SLC2A13: variants seen among roughly 807,000 people sequenced by gnomAD.
SLC2A13 encodes the protein solute carrier family 2 member 13.
SLC2A13 carries 32 observed loss-of-function variants against 64.4 expected under a neutral mutation model. The ratio of observed to expected loss-of-function variants is 0.50; its 90% confidence interval spans 0.37 to 0.67. The LOEUF is 0.67. Among genes scored for constraint, SLC2A13 ranks in the 30% least tolerant of loss-of-function variants. SLC2A13 has a pLI of 0.00. For missense variants in SLC2A13, 743 were observed against 829.2 expected, an observed-to-expected ratio of 0.90 and a Z score of 1.28; for synonymous variants, 338 against 327.1, an observed-to-expected ratio of 1.03 and a Z score of -0.36.
At chr12:39,918,111 A>C (rs1241602704) in intron 4 of SLC2A13, among the ~76,000 whole-genome samples, 2 of 152,094 alleles carry the variant, frequency 1.3e-5, no homozygotes, top group Admixed American at 1.3e-4. Flanking sequence ...ATCCTTGTAC[A>C]TCTAGATAAT....
rs1565608579 is a variant in SLC2A13 at position 40,058,070 on chromosome 12, TAGA to T, written c.557-9863_557-9861del. Reference sequence around the variant, plus strand: ...ATAGATAGATAGATAGATAGATAGATAGATAGATAGATAGATAGATTGATTTAC... The same window carrying T: ...ATAGATAGATAGATAGATAGATAGATTAGATAGATAGATAGATTGATTTAC... On this transcript the variant is annotated intron_variant, in intron 1 of 9. Coordinates refer to ENST00000280871, the MANE Select transcript of SLC2A13 (RefSeq NM_052885.4). Among the ~76,000 whole-genome samples, 22 of 150,832 alleles carry T rather than the reference TAGA, an allele frequency of 1.5e-4. 1 individual carries two copies. Among genetic ancestry groups the T allele is most frequent in the African/African-American group, 5.3e-4 (22 of 41,232 alleles).
chr12:39,803,903 A>T (rs1941884661), intron 7 of SLC2A13, among the ~76,000 whole-genome samples: 1 of 152,206 alleles, frequency 6.6e-6, no homozygotes, highest in African/African-American at 2.4e-5. Context: ...CCTTCCCAAG[A>T]TAAATAAAAT....
chr12:40,035,940 G>A (rs1039761977), intron 2 of SLC2A13, among the ~76,000 whole-genome samples: 1 of 152,286 alleles, frequency 6.6e-6, no homozygotes, highest in Middle Eastern at 3.4e-3. Context: ...GGTAAAATAC[G>A]TTAAGACCTG....
intron 1 of SLC2A13, among the ~76,000 whole-genome samples, chr12:40,051,351 A>C (rs573430585): frequency 6.6e-6 from 1 of 152,238 alleles, no homozygotes; most frequent in South Asian, 2.1e-4. Flanking sequence ...TGCAGATAAG[A>C]TGGGAGAGAC....
chr12:39,988,519 AAAGAAAGAAAG>A (rs1366323701), intron 3 of SLC2A13, among the ~76,000 whole-genome samples: 3 of 150,918 alleles, frequency 2.0e-5, no homozygotes, highest in East Asian at 3.9e-4. Flanking sequence ...AGAATGAACG[AAAGAAAGAAAG>A]AAGAAAGAAA....
intron 7 of SLC2A13, among the ~76,000 whole-genome samples, chr12:39,810,457 T>A (rs537704663): frequency 2.0e-5 from 3 of 152,288 alleles, no homozygotes; most frequent in African/African-American, 7.2e-5. Flanking sequence ...ATATATTCCT[T>A]TCCAAACTGT....
intron 3 of SLC2A13, among the ~76,000 whole-genome samples, chr12:39,953,414 T>G (rs935701747): frequency 2.6e-5 from 4 of 152,174 alleles, no homozygotes; most frequent in Non-Finnish European, 1.5e-5. Flanking sequence ...AATTAAAGAA[T>G]TTCCTTTCAT....
intron 7 of SLC2A13, chr12:39,829,393 T>TTTTTTTTTG: frequency 2.4e-5 from 1 of 41,256 alleles, no homozygotes; most frequent in African/African-American, 7.6e-5. Context: ...ATAGTAATTC[T>TTTTTTTTTG]TTTTTTTTTT....
At chr12:39,939,312 A>C (rs1945978985) in intron 4 of SLC2A13, among the ~76,000 whole-genome samples, 1 of 152,200 alleles carries the variant, frequency 6.6e-6, no homozygotes, top group Non-Finnish European at 1.5e-5. Context: ...ATGGAAAATG[A>C]TTAGAAACAT....
intron 3 of SLC2A13, among the ~76,000 whole-genome samples, chr12:39,961,906 C>T (rs1460171871): frequency 6.6e-6 from 1 of 152,122 alleles, no homozygotes; most frequent in Admixed American, 6.5e-5. Context: ...CTCAAGCAAT[C>T]CTCCCACCTC....
intron 4 of SLC2A13, among the ~76,000 whole-genome samples, chr12:39,900,553 CAGAG>C (rs1432262168): frequency 6.6e-6 from 1 of 152,028 alleles, no homozygotes; most frequent in Non-Finnish European, 1.5e-5. Flanking sequence ...AACAGACAAA[CAGAG>C]AGCCAAATCA....
intron 3 of SLC2A13, among the ~76,000 whole-genome samples, chr12:39,952,214 A>G (rs1484273032): frequency 6.6e-6 from 1 of 152,148 alleles, no homozygotes; most frequent in East Asian, 1.9e-4. Context: ...TTCCAGCCTC[A>G]TAAGTGTTTC....
At chr12:40,034,933 A>C (rs1205595099) in intron 2 of SLC2A13, among the ~76,000 whole-genome samples, 5 of 152,186 alleles carry the variant, frequency 3.3e-5, no homozygotes, top group Admixed American at 3.3e-4. Flanking sequence ...CACTACAGCT[A>C]ATCACTGAGC....
At chr12:39,862,877 T>C (rs1943798402) in intron 6 of SLC2A13, among the ~76,000 whole-genome samples, 1 of 152,220 alleles carries the variant, frequency 6.6e-6, no homozygotes, top group African/African-American at 2.4e-5. Context: ...TCTACTCTTT[T>C]AGTTATTTTA....
At chr12:39,842,770 C>A (rs1430839732) in intron 6 of SLC2A13, among the ~76,000 whole-genome samples, 1 of 151,972 alleles carries the variant, frequency 6.6e-6, no homozygotes, top group African/African-American at 2.4e-5. Context: ...CTTTACTTCC[C>A]AATTCCCACT....
intron 1 of SLC2A13, among the ~76,000 whole-genome samples, chr12:40,103,087 G>A (rs1265931066): frequency 1.3e-5 from 2 of 152,120 alleles, no homozygotes; most frequent in South Asian, 2.1e-4. Flanking sequence ...TATCTAAACT[G>A]GGCTTCTCTA....
intron 3 of SLC2A13, among the ~76,000 whole-genome samples, chr12:39,952,988 GAT>G (rs1491560177): frequency 2.6e-5 from 1 of 38,830 alleles, no homozygotes; most frequent in Non-Finnish European, 5.8e-5. Context: ...TGTATATCAT[GAT>G]TTTTTTTTTA....
intron 3 of SLC2A13, among the ~76,000 whole-genome samples, chr12:39,999,088 C>T (rs917562816): frequency 6.6e-6 from 1 of 152,144 alleles, no homozygotes; most frequent in African/African-American, 2.4e-5. Flanking sequence ...ATTTCTTAGG[C>T]CTGTCTTACT....
intron 1 of SLC2A13, among the ~76,000 whole-genome samples, chr12:40,089,232 A>T (rs1938684452): frequency 6.6e-6 from 1 of 152,160 alleles, no homozygotes; most frequent in Non-Finnish European, 1.5e-5. Flanking sequence ...AATGTTCTTG[A>T]TTTCATAACA....
Sources: allele counts gnomAD v4.1 joint callset (sites outside exome capture counted in the v4.1 genomes callset), GRCh38; gene constraint gnomAD v4.1.1; transcripts MANE v1.5; gene names NCBI Gene and HGNC (gene_info 2026-07-23, HGNC 2026-07-21).